Variants in PIK3C2G observed in about 807,000 individuals in gnomAD.
PIK3C2G encodes the protein phosphatidylinositol 3-kinase C2 domain-containing subunit gamma.
PIK3C2G carries 168 observed loss-of-function variants against 181.1 expected under a neutral mutation model. The observed-to-expected ratio is 0.93, with a 90% CI of 0.82 to 1.05. PIK3C2G has a LOEUF of 1.05. PIK3C2G is among the 50% of genes least tolerant of loss of function. PIK3C2G has a pLI of 0.00. For missense variants in PIK3C2G, 1,869 were observed against 1,732.8 expected (o/e 1.08, Z -1.40); for synonymous variants, 573 against 592.2 (o/e 0.97, Z 0.47).
intron 6 of PIK3C2G, among the ~76,000 whole-genome samples, chr12:18,315,061 T>C (rs1042477856): frequency 6.6e-6 from 1 of 152,218 alleles, no homozygotes; most frequent in African/African-American, 2.4e-5. Flanking sequence ...CTGTAGAATC[T>C]TCAAATTACT....
At chr12:18,395,392 C>A (rs573673577) in intron 15 of PIK3C2G, among the ~76,000 whole-genome samples, 1 of 149,742 alleles carries the variant, frequency 6.7e-6, no homozygotes, top group African/African-American at 2.4e-5. Context: ...ACAACTTTTT[C>A]AAATTAGAAC....
At chr12:18,492,010 T>A (rs907937589) in intron 20 of PIK3C2G, among the ~76,000 whole-genome samples, 1 of 152,220 alleles carries the variant, frequency 6.6e-6, no homozygotes, top group African/African-American at 2.4e-5. Context: ...TTCTAATATG[T>A]CAGTGTGTCA....
chr12:18,520,458 C>T (rs1056229499), intron 24 of PIK3C2G, among the ~76,000 whole-genome samples: 9 of 152,108 alleles, frequency 5.9e-5, no homozygotes, highest in African/African-American at 1.9e-4. Context: ...TTCCTTTCAG[C>T]AAGATAGTCT....
At chr12:18,497,391 C>A (rs964357) in intron 21 of PIK3C2G, among the ~76,000 whole-genome samples, 47,303 of 151,914 alleles carry the variant, frequency 0.31, 8,291 homozygotes, top group African/African-American at 0.48. Context: ...CAAGCAGCAC[C>A]TCTAATTTGA....
downstream of PIK3C2G, among the ~76,000 whole-genome samples, chr12:18,652,597 C>G (rs539852898): frequency 3.3e-5 from 5 of 152,128 alleles, no homozygotes; most frequent in African/African-American, 4.8e-5. Flanking sequence ...GTTGTGTTGT[C>G]CCAGCCCCAC....
At chr12:18,591,216 AACTG>A (rs1193255687) in intron 29 of PIK3C2G, among the ~76,000 whole-genome samples, 11 of 152,052 alleles carry the variant, frequency 7.2e-5, no homozygotes, top group Admixed American at 5.9e-4. Context: ...GAAAATTGGC[AACTG>A]ACTAATTTAC....
At position 18,538,198 on chromosome 12, in the gene PIK3C2G, T is replaced by G; in HGVS notation, c.3366T>G (p.Phe1122Leu). ...PFIFTSEMEYFITEGGKNPQH... is the reference protein window; with the variant it reads ...PFIFTSEMEYLITEGGKNPQH... ...TTTTTACTTCAGAGATGGAATACTT[T>G]ATTACAGAGGGTGGGAAAAACCCAC... The change falls in exon 25 of 33, where the codon TTT (phenylalanine) becomes TTG (leucine). Residue 1122 changes from phenylalanine (F) to leucine (L), a missense_variant. Transcript: ENST00000538779. The G allele has an allele frequency of 6.2e-7, 1 of 1,612,428 alleles. No individual in the cohort carries two copies. The highest frequency in any genetic ancestry group is 1.1e-5 in the South Asian group (1 of 90,930).
At chr12:18,712,764 C>T in the PIK3C2G span, 2 of 1,516,714 alleles carry the variant, frequency 1.3e-6, no homozygotes, top group Admixed American at 3.4e-5. Context: ...TAAGGCTAAG[C>T]ATTATAGGAT....
chr12:18,621,275 A>C (rs1466685523), intron 31 of PIK3C2G, among the ~76,000 whole-genome samples: 1 of 151,968 alleles, frequency 6.6e-6, no homozygotes, highest in Non-Finnish European at 1.5e-5. Context: ...ACTCATCAGC[A>C]TTTGGTATTT....
In PIK3C2G at chr12:18,337,598, G is replaced by T. The variant is rs1342769639; in HGVS notation, c.1273-828G>T. ...ATAGCAGAAGGTGAAGGGAAATCAG[G>T]TGTCTCACGTGGCGAGAGCTGGAGC... On this transcript the variant is annotated intron_variant, in intron 8 of 32. Transcript: ENST00000538779. Among the ~76,000 whole-genome samples, 13 of 152,086 alleles carry T rather than the reference G, an allele frequency of 8.5e-5. No individual in the cohort carries two copies. The East Asian group carries it at 2.5e-3, about 29-fold the overall frequency.
intron 20 of PIK3C2G, 57 bp downstream of exon 20, chr12:18,491,615 C>T: frequency 1.0e-6 from 1 of 984,578 alleles, no homozygotes; most frequent in South Asian, 1.5e-5. Context: ...TAGTTTAGTT[C>T]ATTGTATATG....
chr12:18,268,388 G>GTTA (rs10542107), intron 1 of PIK3C2G, among the ~76,000 whole-genome samples: 40 of 151,608 alleles, frequency 2.6e-4, no homozygotes, highest in African/African-American at 7.3e-4. Context: ...GATTTTTATT[G>GTTA]TTATTATTAT....
At position 18,468,008 on chromosome 12, in the gene PIK3C2G, C is replaced by A. The variant is rs530896741; in HGVS notation, c.2505-20441C>A. On this transcript the variant is annotated intron_variant, in intron 18 of 32. Coordinates refer to ENST00000538779, the MANE Select transcript of PIK3C2G (RefSeq NM_001288772.2). ...AATATGCACAGTTTAATTTTAGCTA[C>A]ATAAACATAAACTGCCAATCAAATG... Among the ~76,000 whole-genome samples, 416 of 152,024 alleles carry A rather than the reference C, an allele frequency of 2.7e-3. 1 individual carries two copies. Among genetic ancestry groups the A allele is most frequent in the African/African-American group, 9.3e-3 (386 of 41,442 alleles).
At chr12:18,695,781 ATG>A in the PIK3C2G span, among the ~76,000 whole-genome samples, 1 of 152,144 alleles carries the variant, frequency 6.6e-6, no homozygotes, top group Non-Finnish European at 1.5e-5. Flanking sequence ...GTAGAAGCTC[ATG>A]TAAAGTATAA....
chr12:18,372,991 A>G (rs1431596516), intron 13 of PIK3C2G, among the ~76,000 whole-genome samples: 1 of 152,350 alleles, frequency 6.6e-6, no homozygotes, highest in African/African-American at 2.4e-5. Flanking sequence ...TTCAACAATT[A>G]CACAATAAGG....
intron 15 of PIK3C2G, among the ~76,000 whole-genome samples, chr12:18,396,689 C>T (rs1943916362): frequency 1.3e-5 from 2 of 151,212 alleles, no homozygotes; most frequent in Non-Finnish European, 3.0e-5. Context: ...CTTACTGTAA[C>T]AAAATTTTAT....
chr12:18,484,645 T>C (rs943608713), intron 18 of PIK3C2G, among the ~76,000 whole-genome samples: 1 of 152,146 alleles, frequency 6.6e-6, no homozygotes, highest in African/African-American at 2.4e-5. Context: ...ATTCTAAAAA[T>C]GGGCTAGTCA....
chr12:18,414,272 A>G (rs1426165698), intron 16 of PIK3C2G, among the ~76,000 whole-genome samples: 1 of 152,176 alleles, frequency 6.6e-6, no homozygotes, highest in East Asian at 1.9e-4. Flanking sequence ...CTTTACTTTT[A>G]AAAAGTATTA....
At chr12:18,414,098 G>A (rs1419621613) in intron 16 of PIK3C2G, among the ~76,000 whole-genome samples, 2 of 152,066 alleles carry the variant, frequency 1.3e-5, no homozygotes, top group Admixed American at 6.6e-5. Context: ...TTCTCCAGAG[G>A]TATTCTATGT....
Sources: gnomAD v4.1 joint callset for allele counts (sites outside exome capture counted in the v4.1 genomes callset) on GRCh38, gnomAD v4.1.1 for gene constraint, MANE v1.5 for transcripts, NCBI Gene and HGNC (gene_info 2026-07-23, HGNC 2026-07-21) for gene names.